Variants in PRRC2B observed in about 807,000 individuals in gnomAD.
PRRC2B encodes the protein protein PRRC2B.
In PRRC2B, 68 loss-of-function variants were observed where a neutral mutation model predicts 242.3. The ratio of observed to expected loss-of-function variants is 0.28; its 90% confidence interval spans 0.23 to 0.34. PRRC2B has a LOEUF of 0.34. Among genes scored for constraint, PRRC2B ranks in the 10% least tolerant of loss-of-function variants. PRRC2B has a pLI of 1.00. For synonymous variants in PRRC2B, 1,228 were observed against 1,173.6 expected, an observed-to-expected ratio of 1.05 and a Z score of -0.95; for missense variants, 2,835 against 2,954.8, an observed-to-expected ratio of 0.96 and a Z score of 0.94.
intron 29 of PRRC2B, among the ~76,000 whole-genome samples, chr9:131,491,874 G>T (rs1944205561): frequency 6.6e-6 from 1 of 152,194 alleles, no homozygotes; most frequent in Admixed American, 6.5e-5. Context: ...ACAAAATATT[G>T]TGATGGTTCT....
chr9:131,413,961 C>T (rs569704604), intron 1 of PRRC2B, among the ~76,000 whole-genome samples: 25 of 152,334 alleles, frequency 1.6e-4, no homozygotes, highest in Admixed American at 7.2e-4. Context: ...TAAGCCACCA[C>T]GCCGGGCCTT....
In PRRC2B at chr9:131,477,896, C is replaced by T. The variant is rs564793452; in HGVS notation, c.4559C>T (p.Pro1520Leu). 1.7e-5 allele frequency: 28 copies of T among 1,613,978 alleles called. No homozygotes were observed. The highest frequency in any genetic ancestry group is 6.7e-5 in the Admixed American group (4 of 60,020). The change falls in exon 17 of 32, where the codon CCG (proline) becomes CTG (leucine). Residue 1520 changes from proline to leucine, a missense_variant. Coordinates refer to ENST00000683519, the MANE Select transcript of PRRC2B (RefSeq NM_013318.4). ...GAGAAGGAGGCCAAGTTGGCTGCTC[C>T]GAGGGCAGGTGAACAGGGAGAGGCC... is the stretch of plus-strand genomic sequence containing the variant. Reference protein sequence around the residue: ...KAEKEAKLAAPRAGEQGEAMK... With the variant: ...KAEKEAKLAALRAGEQGEAMK...
At chr9:131,495,660 G>A in intron 31 of PRRC2B, 80 bp from the exon 32 acceptor site, 1 of 1,497,700 alleles carries the variant, frequency 6.7e-7, no homozygotes, top group Non-Finnish European at 9.1e-7. Flanking sequence ...TCAGGAGCAG[G>A]AAGGGAGTGG....
At chr9:131,433,259 G>A (rs547558835) in intron 3 of PRRC2B, among the ~76,000 whole-genome samples, 160 of 152,294 alleles carry the variant, frequency 1.1e-3, no homozygotes, top group African/African-American at 3.7e-3. Context: ...CAGCTTCCCA[G>A]ACAGAGGAGA....
At chr9:131,464,265 C>T (rs567682696) in intron 11 of PRRC2B, among the ~76,000 whole-genome samples, 13 of 152,280 alleles carry the variant, frequency 8.5e-5, no homozygotes, top group African/African-American at 2.4e-4. Context: ...AAGATCACTT[C>T]GAAGCTTTAT....
chr9:131,380,550 G>A (rs1193266753), intron 1 of PRRC2B, among the ~76,000 whole-genome samples: 3 of 150,434 alleles, frequency 2.0e-5, no homozygotes, highest in East Asian at 3.9e-4. Flanking sequence ...TTGCACTCCA[G>A]CCTGCAAAAC....
rs1554758631 is a variant in PRRC2B, at chr9:131,420,494, T to TTTCTTTCTTTCTTTCTTTCTC, written c.-51-9598_-51-9597insCTTTCTTTCTTTCTTTCTCTT. On this transcript the variant is annotated intron_variant, in intron 1 of 31. Coordinates refer to ENST00000683519, the MANE Select transcript of PRRC2B (RefSeq NM_013318.4). ...CTTTCTTTCTTTCTTTCTTTCTTTCTTTTTTTTTTTTTTTTTGAGATGGAG... is the reference window on the plus strand; with the variant it reads ...CTTTCTTTCTTTCTTTCTTTCTTTCTTTCTTTCTTTCTTTCTTTCTCTTTTTTTTTTTTTTTTGAGATGGAG... Among the ~76,000 whole-genome samples, 66 of 10,048 alleles carry TTTCTTTCTTTCTTTCTTTCTC rather than the reference T, an allele frequency of 6.6e-3. 5 individuals carry two copies. The highest frequency in any genetic ancestry group is 2.5e-3 in the Non-Finnish European group (11 of 4,442). 6.6% of individuals were successfully genotyped at this position (10,048 alleles called of 152,430 possible). A position where few individuals can be genotyped will look rare whatever the true frequency, so the allele number is the denominator to read the frequency against.
intron 2 of PRRC2B, among the ~76,000 whole-genome samples, chr9:131,430,881 C>T (rs1838145096): frequency 1.3e-5 from 2 of 151,882 alleles, no homozygotes; most frequent in African/African-American, 2.4e-5. Flanking sequence ...GTGTGAGCCA[C>T]TGTGCCTGGC....
chr9:131,424,435 C>T (rs1045354539), intron 1 of PRRC2B, among the ~76,000 whole-genome samples: 2 of 152,072 alleles, frequency 1.3e-5, no homozygotes, highest in Non-Finnish European at 2.9e-5. Flanking sequence ...GCTTGTAATC[C>T]CAGCACTTCA....
At chr9:131,473,371 G>T in intron 14 of PRRC2B, 137 bp from the exon 15 acceptor site, 1 of 639,518 alleles carries the variant, frequency 1.6e-6, no homozygotes, top group Non-Finnish European at 2.7e-6. Context: ...AGAGCCCTAT[G>T]ATGTGTAGGT....
At chr9:131,491,364 G>C in intron 28 of PRRC2B, 61 bp from the exon 29 acceptor site, 1 of 1,485,838 alleles carries the variant, frequency 6.7e-7, no homozygotes, top group Non-Finnish European at 9.0e-7. Flanking sequence ...TCGCTCTTTG[G>C]TGCGTTTGGG....
At chr9:131,392,412 T>C (rs1027822190), upstream of PRRC2B, among the ~76,000 whole-genome samples, 2 of 152,228 alleles carry the variant, frequency 1.3e-5, no homozygotes, top group Admixed American at 1.3e-4. Flanking sequence ...ATGAAGAACC[T>C]GAGGCTCAGT....
At chr9:131,426,340 AAAAAAAAAAAAAAAAAAAAAG>A (rs1171157155) in intron 1 of PRRC2B, among the ~76,000 whole-genome samples, 1 of 5,216 alleles carries the variant, frequency 1.9e-4, no homozygotes, top group Non-Finnish European at 5.1e-4. Flanking sequence ...TCTGTCTCAA[AAAAAAAAAAAAAAAAAAAAAG>A]AAAAAGAAAA....
chr9:131,410,092 A>G (rs1218821998), intron 1 of PRRC2B, among the ~76,000 whole-genome samples: 1 of 152,136 alleles, frequency 6.6e-6, no homozygotes, highest in Non-Finnish European at 1.5e-5. Context: ...TTCATCACTC[A>G]CCATATGTTG....
chr9:131,444,239 T>C lies in PRRC2B; in HGVS notation c.524T>C (p.Leu175Pro). ...TTCTCTCCCGAGGAATTTCCGACGC[T>C]GAAAGCAGCTGGAGGGCAGGACAAG... ...LSFSPEEFPT[L>P]KAAGGQDKAG... Residue 175 changes from leucine to proline, a missense_variant, in exon 6 of 32, where the codon CTG (leucine) becomes CCG (proline). Transcript: ENST00000683519. The C allele has an allele frequency of 6.2e-7, 1 of 1,613,976 alleles. No individual in the cohort carries two copies. Among genetic ancestry groups the C allele is most frequent in the Non-Finnish European group, 8.5e-7 (1 of 1,179,880 alleles).
intron 20 of PRRC2B, 57 bp downstream of exon 20, chr9:131,481,865 C>T (rs1241223208): frequency 2.8e-6 from 4 of 1,443,494 alleles, no homozygotes; most frequent in South Asian, 2.4e-5. Flanking sequence ...AGTGTGTGCT[C>T]ACCATCCACA....
chr9:131,485,297 TGCAGGTAA>T (rs1483983364), intron 25 of PRRC2B, among the ~76,000 whole-genome samples, 157 bp downstream of exon 25: 1 of 152,230 alleles, frequency 6.6e-6, no homozygotes, highest in Non-Finnish European at 1.5e-5. Context: ...TCCCATGTGC[TGCAGGTAA>T]TGTGCACGTC....
At chr9:131,471,932 T>C (rs1943558664) in intron 14 of PRRC2B, among the ~76,000 whole-genome samples, 2 of 152,248 alleles carry the variant, frequency 1.3e-5, no homozygotes, top group African/African-American at 4.8e-5. Context: ...AAAAGGTGTT[T>C]TAAAATGTCC....
chr9:131,430,297 C>CCAGTTCCTCAAACTT, intron 2 of PRRC2B, 38 bp downstream of exon 2: 1 of 1,282,578 alleles, frequency 7.8e-7, no homozygotes, highest in South Asian at 1.3e-5. Context: ...CTCAAACTTT[C>CCAGTTCCTCAAACTT]TCCGAGTGAC....
Sources: allele counts gnomAD v4.1 joint callset (sites outside exome capture counted in the v4.1 genomes callset), GRCh38; gene constraint gnomAD v4.1.1; transcripts MANE v1.5; gene names NCBI Gene and HGNC (gene_info 2026-07-23, HGNC 2026-07-21).